PRR16: variants seen among roughly 807,000 people sequenced by gnomAD.
PRR16 encodes the protein protein Largen.
PRR16 carries 6 observed loss-of-function variants against 18.2 expected under a neutral mutation model. The observed-to-expected ratio is 0.33, with a 90% CI of 0.18 to 0.65. The LOEUF is 0.65. PRR16 is among the 30% of genes least tolerant of loss of function. The pLI, the probability that PRR16 is intolerant of heterozygous loss-of-function variation, is 0.74. For synonymous variants in PRR16, 151 were observed against 147.8 expected (o/e 1.02, Z -0.16); for missense variants, 412 against 376.6 (o/e 1.09, Z -0.78).
chr5:120,771,839 G>T, the PRR16 span, among the ~76,000 whole-genome samples: 6 of 151,462 alleles, frequency 4.0e-5, no homozygotes, highest in East Asian at 1.9e-4. Context: ...CTAGAAACAC[G>T]ACTTTATATT....
At chr5:120,533,591 G>A (rs1018097404) in intron 1 of PRR16, among the ~76,000 whole-genome samples, 9 of 151,880 alleles carry the variant, frequency 5.9e-5, no homozygotes, top group Non-Finnish European at 1.3e-4. Context: ...ACTATCTTTG[G>A]GAAAAACATT....
At chr5:120,714,620 C>A in the PRR16 span, among the ~76,000 whole-genome samples, 1 of 152,058 alleles carries the variant, frequency 6.6e-6, no homozygotes, top group East Asian at 1.9e-4. Flanking sequence ...GCTATTTGAT[C>A]CAGCAATTCC....
the PRR16 span, among the ~76,000 whole-genome samples, chr5:120,742,158 T>C: frequency 1.3e-5 from 2 of 151,896 alleles, no homozygotes; most frequent in African/African-American, 4.8e-5. Flanking sequence ...ACAGAATACA[T>C]GGGTTTTGAA....
intron 1 of PRR16, among the ~76,000 whole-genome samples, chr5:120,499,899 G>A (rs1750390100): frequency 6.6e-6 from 1 of 151,912 alleles, no homozygotes; most frequent in East Asian, 1.9e-4. Flanking sequence ...ACTACTCCCA[G>A]GAACGTATAG....
chr5:120,667,641 T>G (rs1336993527), intron 1 of PRR16, among the ~76,000 whole-genome samples: 1 of 151,700 alleles, frequency 6.6e-6, no homozygotes, highest in Non-Finnish European at 1.5e-5. Context: ...TCCCAGAGAT[T>G]CTGGTATGTT....
intron 1 of PRR16, among the ~76,000 whole-genome samples, chr5:120,495,012 A>G (rs192323954): frequency 6.6e-6 from 1 of 152,180 alleles, no homozygotes; most frequent in East Asian, 1.9e-4. Context: ...TTGAAACTGT[A>G]TAGATTGATT....
intron 1 of PRR16, among the ~76,000 whole-genome samples, chr5:120,624,254 A>G (rs2112827068): frequency 6.6e-6 from 1 of 152,268 alleles, no homozygotes; most frequent in South Asian, 2.1e-4. Context: ...CTCATATAAA[A>G]TGGATAACAG....
At chr5:120,530,201 TATA>T (rs1477954295) in intron 1 of PRR16, among the ~76,000 whole-genome samples, 7 of 145,412 alleles carry the variant, frequency 4.8e-5, no homozygotes, top group African/African-American at 1.5e-4. Flanking sequence ...AGAATATATA[TATA>T]ATATTATATA....
chr5:120,651,809 T>G (rs1471233158), intron 1 of PRR16, among the ~76,000 whole-genome samples: 2 of 152,042 alleles, frequency 1.3e-5, no homozygotes, highest in Non-Finnish European at 2.9e-5. Context: ...CTTGGCGATG[T>G]GGGCTCTTTT....
intron 1 of PRR16, among the ~76,000 whole-genome samples, chr5:120,605,603 G>A (rs974744247): frequency 6.6e-6 from 1 of 152,214 alleles, no homozygotes; most frequent in Non-Finnish European, 1.5e-5. Flanking sequence ...GGATTTTAGA[G>A]TTGTCAGAAT....
the PRR16 span, among the ~76,000 whole-genome samples, chr5:120,786,599 G>A: frequency 6.7e-6 from 1 of 148,820 alleles, no homozygotes; most frequent in Admixed American, 6.7e-5. Context: ...ATACAAAAAT[G>A]TGTGTAATTA....
chr5:120,758,404 A>G, the PRR16 span, among the ~76,000 whole-genome samples: 4 of 152,122 alleles, frequency 2.6e-5, no homozygotes, highest in Non-Finnish European at 5.9e-5. Context: ...CTCTTCAAGA[A>G]ATTGGAAAGT....
chr5:120,648,187 G>A (rs555431180), intron 1 of PRR16, among the ~76,000 whole-genome samples: 2 of 152,122 alleles, frequency 1.3e-5, no homozygotes, highest in South Asian at 4.2e-4. Flanking sequence ...TTAAATCATG[G>A]CTTCTATTTT....
intron 1 of PRR16, among the ~76,000 whole-genome samples, chr5:120,497,085 T>A (rs559458729): frequency 6.6e-6 from 1 of 152,162 alleles, no homozygotes; most frequent in Non-Finnish European, 1.5e-5. Flanking sequence ...ATGATTTCAA[T>A]TCTAATAAAG....
intron 1 of PRR16, among the ~76,000 whole-genome samples, chr5:120,685,180 GA>G (rs994775612): frequency 2.6e-5 from 4 of 152,164 alleles, no homozygotes; most frequent in Non-Finnish European, 4.4e-5. Context: ...AACAGTCTGA[GA>G]AGTAAATGGG....
the PRR16 span, among the ~76,000 whole-genome samples, chr5:120,738,877 C>T: frequency 6.6e-6 from 1 of 152,106 alleles, no homozygotes; most frequent in Non-Finnish European, 1.5e-5. Context: ...CCAAGATGAA[C>T]TAAAAGGAAC....
intron 1 of PRR16, among the ~76,000 whole-genome samples, chr5:120,508,309 T>C (rs1396719208): frequency 6.6e-6 from 1 of 152,182 alleles, no homozygotes; most frequent in Non-Finnish European, 1.5e-5. Context: ...TCATCCTGGA[T>C]TGCTTGAAAT....
chr5:120,528,396 T>C lies in PRR16; in HGVS notation c.159+63751T>C, dbSNP rs1751440432. ...TGAATGGTGATTGCCAGACACATTA[T>C]TTTGTAGGACTCAAGATACTGACCA... On this transcript the variant is annotated intron_variant, in intron 1 of 1. Transcript: ENST00000407149. 2.0e-5 allele frequency among the ~76,000 whole-genome samples: 3 copies of C among 152,152 alleles called. No individual in the cohort carries two copies. The South Asian group carries it at 6.2e-4, about 32-fold the overall frequency.
intron 1 of PRR16, among the ~76,000 whole-genome samples, chr5:120,477,368 C>T (rs1352241339): frequency 6.6e-6 from 1 of 152,118 alleles, no homozygotes; most frequent in Non-Finnish European, 1.5e-5. Context: ...CCTCCCTTGT[C>T]AGTTAACGGC....
Sources: gnomAD v4.1 joint callset for allele counts (sites outside exome capture counted in the v4.1 genomes callset) on GRCh38, gnomAD v4.1.1 for gene constraint, MANE v1.5 for transcripts, NCBI Gene and HGNC (gene_info 2026-07-23, HGNC 2026-07-21) for gene names.